The following SDR42E1 variants were observed in gnomAD, a reference collection of about 807,000 sequenced individuals.
SDR42E1 encodes the protein short-chain dehydrogenase/reductase family 42E member 1.
A neutral mutation model predicts 2.6 loss-of-function variants in SDR42E1; 5 were observed. The ratio of observed to expected loss-of-function variants is 1.94; its 90% confidence interval spans 1.01 to 4.08. The LOEUF is 4.08. SDR42E1 is among the 30% of genes most tolerant of loss of function. The pLI, the probability that SDR42E1 is intolerant of heterozygous loss-of-function variation, is 0.00. For missense variants in SDR42E1, 596 were observed against 478.6 expected, an observed-to-expected ratio of 1.25 and a Z score of -2.29; for synonymous variants, 231 against 188.3, an observed-to-expected ratio of 1.23 and a Z score of -1.86.
chr16:82,006,426 CAAT>C (rs1390503445), intron 1 of SDR42E1, among the ~76,000 whole-genome samples: 1 of 152,024 alleles, frequency 6.6e-6, no homozygotes, highest in African/African-American at 2.4e-5. Flanking sequence ...GAAGTCAAAA[CAAT>C]AAAAATAAAT....
chr16:82,008,113 A>C (rs1225045748), intron 1 of SDR42E1, among the ~76,000 whole-genome samples: 1 of 152,142 alleles, frequency 6.6e-6, no homozygotes, highest in Admixed American at 6.5e-5. Flanking sequence ...CCCCTACACA[A>C]ACTCTCTTGC....
chr16:81,996,391 G>A lies in SDR42E1; in HGVS notation c.*2720C>T, dbSNP rs1057078580. On this transcript the variant is annotated 3_prime_UTR_variant, in exon 3 of 3. Coordinates refer to ENST00000328945, the MANE Select transcript of SDR42E1 (RefSeq NM_145168.3). ...AACATGGGTTAGGTGTGTCAAGTCTGGGAGAGGGCAGGGGTCAGGGATTAT... is the reference window on the plus strand; with the variant it reads ...AACATGGGTTAGGTGTGTCAAGTCTAGGAGAGGGCAGGGGTCAGGGATTAT... The A allele has an allele frequency of 1.3e-5, 2 of 152,326 alleles. No individual in the cohort carries two copies. The highest frequency in any genetic ancestry group is 6.5e-5 in the Admixed American group (1 of 15,300). 9.4% of individuals were successfully genotyped at this position (152,326 alleles called of 1,614,324 possible).
intron 1 of SDR42E1, among the ~76,000 whole-genome samples, chr16:82,009,974 C>A (rs1266952794): frequency 6.6e-6 from 1 of 152,156 alleles, no homozygotes; most frequent in Non-Finnish European, 1.5e-5. Flanking sequence ...CTCAAAAGAT[C>A]TGATGGTTTT....
rs1280462198 is a variant in SDR42E1 at position 81,995,599 on chromosome 16, T to TA, written c.*3511dup. ...CACTAGACCTCATCTAATCTTGACT[T>TA]AGTTACGACAGTTCTAGTGTAGGTT... On this transcript the variant is annotated 3_prime_UTR_variant, in exon 3 of 3. Transcript: ENST00000328945. The TA allele has an allele frequency of 1.3e-5, 2 of 152,236 alleles. No homozygotes were observed. The highest frequency in any genetic ancestry group is 2.9e-5 in the Non-Finnish European group (2 of 68,046). 9.4% of individuals were successfully genotyped at this position (152,236 alleles called of 1,614,324 possible).
Position 81,999,091 on chromosome 16 carries a change from C to A in SDR42E1, c.*20G>T, listed in dbSNP as rs1281412885. 1.2e-6 allele frequency: 2 copies of A among 1,606,832 alleles called. No individual in the cohort carries two copies. Among genetic ancestry groups the A allele is most frequent in the Non-Finnish European group, 1.7e-6 (2 of 1,176,898 alleles). On this transcript the variant is annotated 3_prime_UTR_variant, in exon 3 of 3. Transcript: ENST00000328945. ...GAACCATCTCAGCCAACTGTGATCA[C>A]CTTATTTCTGGCCCCTCCTTCACAG...
Position 81,995,797 on chromosome 16 carries a change from C to A in SDR42E1, c.*3314G>T, listed in dbSNP as rs373946411. The stretch of plus-strand genomic sequence containing the variant: ...GCTGTAAGCAAGACAAAGTTCCCAC[C>A]CTCATAGAGCTAACAGGCATTAAAC... On this transcript the variant is annotated 3_prime_UTR_variant, in exon 3 of 3. Coordinates refer to ENST00000328945, the MANE Select transcript of SDR42E1 (RefSeq NM_145168.3). The A allele has an allele frequency of 6.6e-6, 1 of 152,300 alleles. No homozygotes were observed. The highest frequency in any genetic ancestry group is 1.9e-4 in the East Asian group (1 of 5,188). 9.4% of individuals were successfully genotyped at this position (152,300 alleles called of 1,614,324 possible).
rs1326505259 is a variant in SDR42E1 at position 81,999,372 on chromosome 16, G to C, written c.921C>G (p.Phe307Leu). The C allele has an allele frequency of 6.2e-7, 1 of 1,614,234 alleles. No individual in the cohort carries two copies. Among genetic ancestry groups the C allele is most frequent in the Admixed American group, 1.7e-5 (1 of 60,020 alleles). The change falls in exon 3 of 3, where the codon TTC becomes TTG. Residue 307 changes from phenylalanine to leucine, a missense_variant. Transcript: ENST00000328945. ...CTTCAGTGCGAGTGAGGAAGGGCTGGAAGTTGTAGAGTCGACCCAAAATGA... is the reference window on the plus strand; with the variant it reads ...CTTCAGTGCGAGTGAGGAAGGGCTGCAAGTTGTAGAGTCGACCCAAAATGA... ...VHFILGRLYN[F>L]QPFLTRTEVY... is the part of the protein sequence containing the mutation.
intron 2 of SDR42E1, 121 bp from the exon 3 acceptor site, chr16:82,000,345 C>T: frequency 8.1e-7 from 1 of 1,240,014 alleles, no homozygotes. Flanking sequence ...TCATCCTGAG[C>T]CCCTCACTAT....
In SDR42E1 at chr16:81,993,889, A is replaced by T. The variant is rs1327287498; in HGVS notation, c.*5222T>A. ...AATAAACGTAATTCAAATAAACATG[A>T]TTCTAGAAAAGGAAATCAATCTCAT... On this transcript the variant is annotated 3_prime_UTR_variant, in exon 3 of 3. Coordinates refer to ENST00000328945, the MANE Select transcript of SDR42E1 (RefSeq NM_145168.3). The T allele has an allele frequency of 6.6e-6, 1 of 152,206 alleles. No individual in the cohort carries two copies. Among genetic ancestry groups the T allele is most frequent in the Non-Finnish European group, 1.5e-5 (1 of 68,040 alleles). The allele number at this position is 152,206 out of a possible 1,614,324, so 9.4% of individuals were successfully genotyped here. A position where few individuals can be genotyped will look rare whatever the true frequency, so the allele number is the denominator to read the frequency against.
Position 81,989,307 on chromosome 16 carries a change from A to C in SDR42E1, c.*9804T>G, listed in dbSNP as rs115047567. The C allele has an allele frequency of 6.6e-6, 1 of 152,250 alleles. No individual in the cohort carries two copies. The highest frequency in any genetic ancestry group is 6.5e-5 in the Admixed American group (1 of 15,282). The allele number at this position is 152,250 out of a possible 1,614,324, so 9.4% of individuals were successfully genotyped here. A position where few individuals can be genotyped will look rare whatever the true frequency, so the allele number is the denominator to read the frequency against. ...CAGAAGGAACTGTGAGGTGGGAGAC[A>C]GTAGTATGGGGAAAGACATGAACAC... On this transcript the variant is annotated 3_prime_UTR_variant, in exon 3 of 3. Transcript: ENST00000328945.
At position 81,992,242 on chromosome 16, in the gene SDR42E1, T is replaced by C. The variant is rs1199848369; in HGVS notation, c.*6869A>G. 2 of 152,184 alleles carry C rather than the reference T, an allele frequency of 1.3e-5. No homozygotes were observed. The highest frequency in any genetic ancestry group is 2.9e-5 in the Non-Finnish European group (2 of 68,030). 9.4% of individuals were successfully genotyped at this position (152,184 alleles called of 1,614,324 possible). Reference sequence around the variant, plus strand: ...AATTAACTATTAACAATGTTCATCTTTGAGTAATTTAGTTAACTAGGGTGA... The same window carrying C: ...AATTAACTATTAACAATGTTCATCTCTGAGTAATTTAGTTAACTAGGGTGA... On this transcript the variant is annotated 3_prime_UTR_variant, in exon 3 of 3. Coordinates refer to ENST00000328945, the MANE Select transcript of SDR42E1 (RefSeq NM_145168.3).
rs1205622634 is a variant in SDR42E1 at position 81,990,777 on chromosome 16, C to T, written c.*8334G>A. The stretch of plus-strand genomic sequence containing the variant: ...CCCTTGAGCACTGAAGGGCTATAAT[C>T]ACCCACTACCAAATATTTCTTTTCC... On this transcript the variant is annotated 3_prime_UTR_variant, in exon 3 of 3. Transcript: ENST00000328945. 6.6e-6 allele frequency: 1 copy of T among 152,208 alleles called. No individual in the cohort carries two copies. Among genetic ancestry groups the T allele is most frequent in the East Asian group, 1.9e-4 (1 of 5,196 alleles). 9.4% of individuals were successfully genotyped at this position (152,208 alleles called of 1,614,324 possible). A position where few individuals can be genotyped will look rare whatever the true frequency, so the allele number is the denominator to read the frequency against.
intron 1 of SDR42E1, among the ~76,000 whole-genome samples, chr16:82,001,173 G>A (rs1057339971): frequency 6.6e-6 from 1 of 152,128 alleles, no homozygotes; most frequent in Non-Finnish European, 1.5e-5. Context: ...CACAAAAAAC[G>A]TTTCGAACAT....
rs1481076385 is a variant in SDR42E1 at position 81,991,922 on chromosome 16, C to G, written c.*7189G>C. 1 of 151,982 alleles carries G rather than the reference C, an allele frequency of 6.6e-6. No individual in the cohort carries two copies. The highest frequency in any genetic ancestry group is 1.5e-5 in the Non-Finnish European group (1 of 68,018). The allele number at this position is 151,982 out of a possible 1,614,324, so 9.4% of individuals were successfully genotyped here. A position where few individuals can be genotyped will look rare whatever the true frequency, so the allele number is the denominator to read the frequency against. On this transcript the variant is annotated 3_prime_UTR_variant, in exon 3 of 3. Transcript: ENST00000328945. Reference sequence around the variant, plus strand: ...AATAAGCCTAAGAAATAAAGAAAGCCTCAGGTGGATCACCTGAAGTCAGGA... The same window carrying G: ...AATAAGCCTAAGAAATAAAGAAAGCGTCAGGTGGATCACCTGAAGTCAGGA...
intron 1 of SDR42E1, 96 bp downstream of exon 1, chr16:82,011,291 C>A (rs1230489809): frequency 6.6e-6 from 1 of 152,362 alleles, no homozygotes; most frequent in East Asian, 1.9e-4. Context: ...CCGTCCCCCA[C>A]CCCCGGGACC....
chr16:81,999,296 C>A lies in SDR42E1; in HGVS notation c.997G>T (p.Glu333Ter). 2 of 1,614,240 alleles carry A rather than the reference C, an allele frequency of 1.2e-6. No homozygotes were observed. The highest frequency in any genetic ancestry group is 1.3e-5 in the African/African-American group (1 of 75,064). Residue 333 changes from glutamate (E) to a stop codon, truncating the protein, a stop_gained, in exon 3 of 3, where the codon GAG becomes TAG. Coordinates refer to ENST00000328945, the MANE Select transcript of SDR42E1 (RefSeq NM_145168.3). LOFTEE classifies it low-confidence loss of function (END_TRUNC). ...HYFSLEKAKK[E>*]LGYKAQPFDL... ...AATGGCTGAGCCTTATAACCTAGCT[C>A]TTTCTTGGCTTTCTCTAAGCTAAAA...
intron 1 of SDR42E1, among the ~76,000 whole-genome samples, chr16:82,008,171 T>C (rs1203252125): frequency 1.3e-5 from 2 of 152,232 alleles, no homozygotes; most frequent in Admixed American, 6.5e-5. Flanking sequence ...CCTTCTGCCA[T>C]GATTATGAGG....
intron 1 of SDR42E1, chr16:82,007,969 T>C (rs1175072029): frequency 6.6e-6 from 1 of 152,246 alleles, no homozygotes; most frequent in Non-Finnish European, 1.5e-5. Context: ...TCTTGTTGAA[T>C]TGTAGCTCCC....
chr16:82,003,784 G>C (rs891462333), intron 1 of SDR42E1, among the ~76,000 whole-genome samples: 3 of 152,166 alleles, frequency 2.0e-5, no homozygotes, highest in African/African-American at 7.2e-5. Flanking sequence ...CCTTCCCACA[G>C]AATGTTAAGT....
Sources: gnomAD v4.1 joint callset for allele counts (sites outside exome capture counted in the v4.1 genomes callset) on GRCh38, gnomAD v4.1.1 for gene constraint, MANE v1.5 for transcripts, NCBI Gene and HGNC (gene_info 2026-07-23, HGNC 2026-07-21) for gene names.